Variants in TMPRSS11B observed in about 807,000 individuals in gnomAD.
TMPRSS11B encodes the protein transmembrane serine protease 11B.
In TMPRSS11B, 53 loss-of-function variants were observed where a neutral mutation model predicts 44.7. The ratio of observed to expected loss-of-function variants is 1.19; its 90% CI spans 0.95 to 1.49. The LOEUF (loss-of-function observed/expected upper bound fraction) is 1.49. Among genes scored for constraint, TMPRSS11B ranks in the 40% most tolerant of loss-of-function variants. The pLI is 0.00. For synonymous variants in TMPRSS11B, 140 were observed against 159.2 expected, an observed-to-expected ratio of 0.88 and a Z score of 0.91; for missense variants, 526 against 494.8, an observed-to-expected ratio of 1.06 and a Z score of -0.60.
intron 2 of TMPRSS11B, among the ~76,000 whole-genome samples, chr4:68,238,421 T>A (rs1719731974): frequency 6.6e-6 from 1 of 151,974 alleles, no homozygotes; most frequent in Non-Finnish European, 1.5e-5. Context: ...TTTTCTTTAT[T>A]AATCACAAAA....
chr4:68,241,725 C>G lies in TMPRSS11B; in HGVS notation c.88G>C (p.Val30Leu). The change falls in exon 2 of 10, where the codon GTA becomes CTA. Residue 30 changes from valine (V) to leucine (L), a missense_variant. Coordinates refer to ENST00000332644, the MANE Select transcript of TMPRSS11B (RefSeq NM_182502.3). ...AAATGAACAAGAAGACCAATGGTTA[C>G]TCCCAAGATTGCCGCCACTCCAAGA... Reference protein sequence around the residue: ...IFLGVAAILGVTIGLLVHFLA... With the variant: ...IFLGVAAILGLTIGLLVHFLA... 6.2e-7 allele frequency: 1 copy of G among 1,612,890 alleles called. No homozygotes were observed. The highest frequency in any genetic ancestry group is 8.5e-7 in the Non-Finnish European group (1 of 1,179,242).
At chr4:68,242,238 A>G (rs1164143503) in intron 1 of TMPRSS11B, among the ~76,000 whole-genome samples, 2 of 84,514 alleles carry the variant, frequency 2.4e-5, no homozygotes, top group Non-Finnish European at 4.2e-5. Context: ...TATTATATAT[A>G]TTATATTATA....
chr4:68,236,217 G>T lies in TMPRSS11B; in HGVS notation c.174C>A (p.Tyr58Ter), dbSNP rs746252682. 15 of 1,611,792 alleles carry T rather than the reference G, an allele frequency of 9.3e-6. No individual in the cohort carries two copies. The African/African-American group carries it at 1.9e-4, about 20-fold the overall frequency. Residue 58 changes from tyrosine to a stop codon, truncating the protein, a stop_gained, in exon 3 of 10, where the codon TAC (tyrosine) becomes TAA (stop). Transcript: ENST00000332644. LOFTEE classifies it high-confidence loss of function. ...AAGCTGCGTTTTCACAATTATCATT[G>T]TATGTGACTCCAGAAATATGAAAAT... is the stretch of plus-strand genomic sequence containing the variant. ...QGDFHISGVT[Y>*]NDNCENAASQ...
chr4:68,234,399 C>A, intron 5 of TMPRSS11B, 64 bp downstream of exon 5: 2 of 1,534,762 alleles, frequency 1.3e-6, no homozygotes, highest in Non-Finnish European at 8.7e-7. Flanking sequence ...CTTTTTAGTA[C>A]TTTTTAAAAA....
intron 4 of TMPRSS11B, 60 bp from the exon 5 acceptor site, chr4:68,234,683 C>T: frequency 6.5e-7 from 1 of 1,535,228 alleles, no homozygotes; most frequent in Non-Finnish European, 8.9e-7. Context: ...GTTTTGTGAA[C>T]ACATTAAATT....
intron 4 of TMPRSS11B, 123 bp from the exon 5 acceptor site, chr4:68,234,746 A>G (rs1719615893): frequency 2.1e-6 from 2 of 966,906 alleles, no homozygotes; most frequent in Middle Eastern, 3.2e-4. Context: ...AAAAATATAC[A>G]TATACTATCT....
In TMPRSS11B at chr4:68,227,827, A is replaced by G. The variant is rs1719395792; in HGVS notation, c.*84T>C. 2 of 1,024,792 alleles carry G rather than the reference A, an allele frequency of 2.0e-6. No individual in the cohort carries two copies. Among genetic ancestry groups the G allele is most frequent in the Non-Finnish European group, 2.6e-6 (2 of 763,264 alleles). The allele number at this position is 1,024,792 out of a possible 1,614,324, so 63.5% of individuals were successfully genotyped here. On this transcript the variant is annotated 3_prime_UTR_variant, in exon 10 of 10. Transcript: ENST00000332644. Reference sequence around the variant, plus strand: ...ATATAATAAAATGATTAGTTTACCAACAATCAAAATAAAAAGATCCCAAAG... The same window carrying G: ...ATATAATAAAATGATTAGTTTACCAGCAATCAAAATAAAAAGATCCCAAAG...
At position 68,236,331 on chromosome 4, in the gene TMPRSS11B, A is replaced by C. The variant is rs539491692; in HGVS notation, c.125-65T>G. On this transcript the variant is annotated intron_variant, in intron 2 of 9. Coordinates refer to ENST00000332644, the MANE Select transcript of TMPRSS11B (RefSeq NM_182502.3). Reference sequence around the variant, plus strand: ...GTGGAAAGTGACTTTAAAGCGATTTATACCTCTGCCTCAACATTCCACCCA... The same window carrying C: ...GTGGAAAGTGACTTTAAAGCGATTTCTACCTCTGCCTCAACATTCCACCCA... 5.1e-6 allele frequency: 5 copies of C among 985,252 alleles called. No individual in the cohort carries two copies. In the East Asian group the frequency reaches 1.3e-4, roughly 25 times the overall value. The allele number at this position is 985,252 out of a possible 1,614,324, so 61.0% of individuals were successfully genotyped here.
At chr4:68,235,381 G>A (rs999951921) in intron 4 of TMPRSS11B, among the ~76,000 whole-genome samples, 1 of 152,054 alleles carries the variant, frequency 6.6e-6, no homozygotes, top group African/African-American at 2.4e-5. Flanking sequence ...TTTGTTTTGA[G>A]AGTTCAGAAT....
intron 2 of TMPRSS11B, among the ~76,000 whole-genome samples, chr4:68,240,205 T>A (rs1172617278): frequency 2.0e-5 from 3 of 152,076 alleles, no homozygotes; most frequent in African/African-American, 7.3e-5. Context: ...TTACAGTAGC[T>A]GTTATCCAGC....
intron 2 of TMPRSS11B, among the ~76,000 whole-genome samples, chr4:68,237,762 T>G (rs1457232852): frequency 6.6e-6 from 1 of 152,178 alleles, no homozygotes; most frequent in Non-Finnish European, 1.5e-5. Flanking sequence ...ATGCCTATAG[T>G]CCTAGCAGTT....
Position 68,231,245 on chromosome 4 carries a change from A to C in TMPRSS11B, c.644T>G (p.Ile215Ser), listed in dbSNP as rs1416831179. 2.5e-6 allele frequency: 4 copies of C among 1,613,396 alleles called. No individual in the cohort carries two copies. The South Asian group carries it at 4.4e-5, about 18-fold the overall frequency. The change falls in exon 7 of 10, where the codon ATC becomes AGC. Residue 215 changes from isoleucine (I) to serine (S), a missense_variant. Physicochemically the swap from Ile to Ser is moderately radical, Grantham distance 142. Coordinates refer to ENST00000332644, the MANE Select transcript of TMPRSS11B (RefSeq NM_182502.3). ...KGRHYCGASL[I>S]SSRWLLSAAH... is the part of the protein sequence containing the mutation. ...TGCAGATAATAGCCACCTGCTGCTG[A>C]TCAGAGAGGCTCCACAGTAGTGACG...
Position 68,231,186 on chromosome 4 carries a change from C to A in TMPRSS11B, c.686+17G>T. The A allele has an allele frequency of 6.3e-7, 1 of 1,591,052 alleles. No individual in the cohort carries two copies. The highest frequency in any genetic ancestry group is 8.6e-7 in the Non-Finnish European group (1 of 1,168,292). On this transcript the variant is annotated intron_variant, in intron 7 of 9. Transcript: ENST00000332644. ...TTGCACCTAGCATCCTTCATTTAGT[C>A]AAATTTTCAAACTTACTTAGCAAAG...
At chr4:68,229,010 T>G (rs1481769366) in intron 8 of TMPRSS11B, 126 bp from the exon 9 acceptor site, 2 of 1,076,224 alleles carry the variant, frequency 1.9e-6, no homozygotes, top group African/African-American at 1.6e-5. Context: ...GTTAGATTAG[T>G]CTCTTTCAGG....
At chr4:68,232,666 T>C (rs1364726288) in intron 5 of TMPRSS11B, among the ~76,000 whole-genome samples, 3 of 152,186 alleles carry the variant, frequency 2.0e-5, no homozygotes, top group Non-Finnish European at 4.4e-5. Context: ...TTTATGATTA[T>C]TGAAGTAAAA....
intron 2 of TMPRSS11B, among the ~76,000 whole-genome samples, chr4:68,237,266 A>G (rs982660803): frequency 6.6e-6 from 1 of 152,114 alleles, no homozygotes; most frequent in Non-Finnish European, 1.5e-5. Flanking sequence ...AAAAGACATG[A>G]ACTCATTCTT....
At position 68,236,125 on chromosome 4, in the gene TMPRSS11B, A is replaced by C. The variant is rs777085802; in HGVS notation, c.240+26T>G. The C allele has an allele frequency of 1.9e-6, 3 of 1,564,998 alleles. No individual in the cohort carries two copies. In the African/African-American group the frequency reaches 4.2e-5, roughly 22 times the overall value. On this transcript the variant is annotated intron_variant, in intron 3 of 9. Coordinates refer to ENST00000332644, the MANE Select transcript of TMPRSS11B (RefSeq NM_182502.3). ...ATGTTTCAATCAAATTTATAATAAA[A>C]TTAATTTTAAAAATCTCTGATTTAC...
intron 2 of TMPRSS11B, among the ~76,000 whole-genome samples, chr4:68,240,299 T>G (rs919609808): frequency 4.6e-5 from 7 of 152,176 alleles, no homozygotes; most frequent in Non-Finnish European, 8.8e-5. Flanking sequence ...CAAACTGACT[T>G]CAAACAACAT....
chr4:68,239,001 G>T (rs2109962493), intron 2 of TMPRSS11B, among the ~76,000 whole-genome samples: 1 of 152,230 alleles, frequency 6.6e-6, no homozygotes, highest in South Asian at 2.1e-4. Flanking sequence ...TCTGATTCCA[G>T]TTATAATTTT....
Sources: gnomAD v4.1 joint callset for allele counts (sites outside exome capture counted in the v4.1 genomes callset) on GRCh38, gnomAD v4.1.1 for gene constraint, MANE v1.5 for transcripts, NCBI Gene and HGNC (gene_info 2026-07-23, HGNC 2026-07-21) for gene names.